SORCS1: variants seen among roughly 807,000 people sequenced by gnomAD.
The protein encoded by SORCS1 is sortilin related VPS10 domain containing receptor 1, also known as VPS10 domain-containing receptor SorCS1.
In SORCS1, 60 loss-of-function variants were observed where a neutral mutation model predicts 146.1. The observed-to-expected ratio is 0.41, with a 90% CI of 0.33 to 0.51. The LOEUF is 0.51. SORCS1 is among the 20% of genes least tolerant of loss of function. The probability of loss-of-function intolerance (pLI) is 0.21; values close to 1 mark genes in which losing one functional copy is unlikely to be tolerated. For synonymous variants in SORCS1, 637 were observed against 584.0 expected (o/e 1.09, Z -1.31); for missense variants, 1,352 against 1,487.6 (o/e 0.91, Z 1.50).
intron 2 of SORCS1, among the ~76,000 whole-genome samples, chr10:106,941,380 G>A (rs1954034501): frequency 6.6e-6 from 1 of 151,740 alleles, no homozygotes; most frequent in East Asian, 2.0e-4. Context: ...TTTCTGATGA[G>A]GAAATGGAGC....
chr10:107,126,970 C>T (rs890429197), intron 1 of SORCS1, among the ~76,000 whole-genome samples: 1 of 152,146 alleles, frequency 6.6e-6, no homozygotes, highest in Non-Finnish European at 1.5e-5. Flanking sequence ...GCGCCACAGG[C>T]AAGTAGCCTT....
At chr10:107,176,566 C>T in the SORCS1 span, among the ~76,000 whole-genome samples, 1 of 152,024 alleles carries the variant, frequency 6.6e-6, no homozygotes, top group Non-Finnish European at 1.5e-5. Context: ...TCTTCAACTC[C>T]TGGTCTCAAG....
chr10:106,782,215 G>C (rs1164697153), intron 3 of SORCS1, among the ~76,000 whole-genome samples: 1 of 152,104 alleles, frequency 6.6e-6, no homozygotes, highest in East Asian at 1.9e-4. Flanking sequence ...ATTTCAAACT[G>C]GTTTTCTAAT....
chr10:106,620,572 A>C lies in SORCS1; in HGVS notation c.2663-11T>G. ...CGTGCTCCAAGGGACCTGAGGCACA[A>C]GAGAAAGAGAGGCCATGGATGGGGA... On this transcript the variant is annotated splice_polypyrimidine_tract_variant and intron_variant, in intron 19 of 25. Coordinates refer to ENST00000263054, the MANE Select transcript of SORCS1 (RefSeq NM_052918.5). 6 of 1,612,716 alleles carry C rather than the reference A, an allele frequency of 3.7e-6. No individual in the cohort carries two copies. Among genetic ancestry groups the C allele is most frequent in the Non-Finnish European group, 5.1e-6 (6 of 1,179,108 alleles).
chr10:107,033,006 C>G (rs1589976777), intron 1 of SORCS1, among the ~76,000 whole-genome samples: 3 of 152,130 alleles, frequency 2.0e-5, no homozygotes, highest in African/African-American at 7.2e-5. Flanking sequence ...TGTTCTCACA[C>G]TGCTATAAAG....
intron 2 of SORCS1, among the ~76,000 whole-genome samples, chr10:106,945,503 G>A (rs1209065375): frequency 6.6e-6 from 1 of 152,208 alleles, no homozygotes; most frequent in Non-Finnish European, 1.5e-5. Flanking sequence ...GAAGGTAACT[G>A]GATGGTGGTG....
intron 1 of SORCS1, among the ~76,000 whole-genome samples, chr10:107,106,656 T>C (rs1384505317): frequency 6.6e-6 from 1 of 152,166 alleles, no homozygotes; most frequent in Non-Finnish European, 1.5e-5. Flanking sequence ...ATATTTTCAA[T>C]CAAATTAAAA....
At chr10:107,118,207 G>T (rs1371367439) in intron 1 of SORCS1, among the ~76,000 whole-genome samples, 1 of 152,154 alleles carries the variant, frequency 6.6e-6, no homozygotes, top group Non-Finnish European at 1.5e-5. Flanking sequence ...ATTCTACCAT[G>T]TGAGGACACA....
At chr10:106,824,451 G>A (rs1268113105) in intron 3 of SORCS1, among the ~76,000 whole-genome samples, 10 of 152,026 alleles carry the variant, frequency 6.6e-5, no homozygotes, top group Admixed American at 5.9e-4. Context: ...TTAGCTGGGT[G>A]TGGTAGTAGA....
At chr10:107,130,634 A>T (rs988857422) in intron 1 of SORCS1, among the ~76,000 whole-genome samples, 1 of 152,194 alleles carries the variant, frequency 6.6e-6, no homozygotes, top group Admixed American at 6.5e-5. Flanking sequence ...TTCGACTTAG[A>T]ATCTAACATC....
chr10:107,072,660 G>A (rs900514306), intron 1 of SORCS1, among the ~76,000 whole-genome samples: 3 of 150,132 alleles, frequency 2.0e-5, no homozygotes, highest in Admixed American at 6.7e-5. Context: ...GAGAGAGAAC[G>A]AGAACACTTG....
rs778356527 is a variant in SORCS1, at chr10:106,605,373, GA to G, written c.3165+1792del. Among the ~76,000 whole-genome samples, 39 of 152,126 alleles carry G rather than the reference GA, an allele frequency of 2.6e-4. No individual in the cohort carries two copies. The East Asian group carries it at 4.8e-3, about 19-fold the overall frequency. The stretch of plus-strand genomic sequence containing the variant: ...TGATGTAGAAAATACAACACTTTTA[GA>G]AAAAAACATGGAAAGTGTGAGAAAT... On this transcript the variant is annotated intron_variant, in intron 23 of 25. Transcript: ENST00000263054.
At chr10:106,736,386 G>A in intron 5 of SORCS1, among the ~76,000 whole-genome samples, 1 of 152,114 alleles carries the variant, frequency 6.6e-6, no homozygotes, top group Non-Finnish European at 1.5e-5. Context: ...AGGAACAGAG[G>A]CTGGAAGGTT....
chr10:106,640,636 G>T (rs1342641852), intron 18 of SORCS1, among the ~76,000 whole-genome samples: 2 of 152,102 alleles, frequency 1.3e-5, no homozygotes, highest in Non-Finnish European at 2.9e-5. Context: ...AGACTGATTG[G>T]GGCCTTTGCC....
the SORCS1 span, among the ~76,000 whole-genome samples, chr10:107,176,750 T>C: frequency 2.6e-5 from 4 of 152,194 alleles, no homozygotes; most frequent in African/African-American, 9.6e-5. Context: ...CTTAATGGCC[T>C]TTGCTATGAT....
At chr10:106,915,426 TC>T (rs1389697029) in intron 2 of SORCS1, among the ~76,000 whole-genome samples, 1 of 152,134 alleles carries the variant, frequency 6.6e-6, no homozygotes, top group African/African-American at 2.4e-5. Context: ...TGGCAGCACT[TC>T]CTCTTCGACC....
intron 5 of SORCS1, among the ~76,000 whole-genome samples, chr10:106,760,061 T>C (rs1858961232): frequency 6.6e-6 from 1 of 152,162 alleles, no homozygotes; most frequent in African/African-American, 2.4e-5. Flanking sequence ...TATGATGTGA[T>C]GGTATTTGCA....
chr10:107,030,893 G>A (rs1958621682), intron 1 of SORCS1, among the ~76,000 whole-genome samples: 1 of 152,222 alleles, frequency 6.6e-6, no homozygotes, highest in African/African-American at 2.4e-5. Flanking sequence ...GCAGAAGAAT[G>A]AATGAAAAGG....
intron 1 of SORCS1, among the ~76,000 whole-genome samples, chr10:107,156,168 A>C (rs551989210): frequency 6.6e-6 from 1 of 152,304 alleles, no homozygotes; most frequent in East Asian, 1.9e-4. Flanking sequence ...TCTGCACTGA[A>C]TTGTGGAGTT....
Sources: allele counts gnomAD v4.1 joint callset (sites outside exome capture counted in the v4.1 genomes callset), GRCh38; gene constraint gnomAD v4.1.1; transcripts MANE v1.5; gene names NCBI Gene and HGNC (gene_info 2026-07-23, HGNC 2026-07-21).